Variants in MAPK10 observed in about 807,000 individuals in gnomAD.
The protein encoded by MAPK10 is JNK3 alpha protein kinase.
Under a neutral mutation model 59.3 loss-of-function variants are expected in MAPK10, and 25 were observed. That is an observed-to-expected ratio of 0.42 (90% CI 0.31 to 0.59). The LOEUF (loss-of-function observed/expected upper bound fraction) is 0.59, where lower values mean the gene tolerates loss of function less well. MAPK10 is among the 20% of genes least tolerant of loss of function. MAPK10 has a pLI of 0.15. For missense variants in MAPK10, 351 were observed against 568.9 expected, an observed-to-expected ratio of 0.62 and a Z score of 3.90; for synonymous variants, 190 against 200.5, an observed-to-expected ratio of 0.95 and a Z score of 0.44.
intron 1 of MAPK10, among the ~76,000 whole-genome samples, chr4:86,516,768 C>T (rs186227214): frequency 1.3e-5 from 2 of 152,192 alleles, no homozygotes; most frequent in African/African-American, 4.8e-5. Flanking sequence ...TATTTTTATC[C>T]TGAAATTTTA....
intron 2 of MAPK10, among the ~76,000 whole-genome samples, chr4:86,218,419 C>A (rs1227209129): frequency 6.6e-6 from 1 of 151,944 alleles, no homozygotes; most frequent in Non-Finnish European, 1.5e-5. Flanking sequence ...CCTTGGCCTC[C>A]CAAAGTGCTG....
chr4:86,548,029 A>G (rs1290593911), intron 1 of MAPK10, among the ~76,000 whole-genome samples: 1 of 152,196 alleles, frequency 6.6e-6, no homozygotes, highest in African/African-American at 2.4e-5. Context: ...CAGCAGTGGC[A>G]ACCCGCTCAG....
intron 1 of MAPK10, among the ~76,000 whole-genome samples, chr4:86,374,703 TCTC>T (rs1739496507): frequency 6.6e-6 from 1 of 152,328 alleles, no homozygotes. Flanking sequence ...GAATGTGACT[TCTC>T]CTTTTTGAGC....
At chr4:86,551,284 T>C (rs1759752552) in intron 1 of MAPK10, among the ~76,000 whole-genome samples, 1 of 152,222 alleles carries the variant, frequency 6.6e-6, no homozygotes, top group East Asian at 1.9e-4. Flanking sequence ...CTGAATGCAG[T>C]AATGTCAAGT....
chr4:86,592,395 G>T (rs150099953), intron 1 of MAPK10, among the ~76,000 whole-genome samples: 7 of 151,838 alleles, frequency 4.6e-5, no homozygotes, highest in Admixed American at 4.6e-4. Context: ...AAGGAAAAAA[G>T]CTAACAACAC....
rs1554276094 is a variant in MAPK10, at chr4:86,516,652, TTTTG to T, written c.-263+77254_-263+77257del. ...TTTTTGTTGTTGTTGTTTGTTTGTT[TTTTG>T]TTTGTTTGTTTGTTTGCAGCTACTG... On this transcript the variant is annotated intron_variant, in intron 1 of 4. Transcript: ENST00000502302. Among the ~76,000 whole-genome samples the T allele has an allele frequency of 2.7e-4, 40 of 149,598 alleles. No homozygotes were observed. In the East Asian group the frequency reaches 3.5e-3, roughly 13 times the overall value.
At chr4:86,553,642 AG>A (rs1156246725) in intron 1 of MAPK10, among the ~76,000 whole-genome samples, 4 of 152,074 alleles carry the variant, frequency 2.6e-5, no homozygotes, top group Non-Finnish European at 4.4e-5. Flanking sequence ...GGGGAACTTA[AG>A]GGAGGTGAAG....
intron 2 of MAPK10, among the ~76,000 whole-genome samples, chr4:86,246,126 A>G (rs1416599635): frequency 6.6e-6 from 1 of 152,204 alleles, no homozygotes; most frequent in Non-Finnish European, 1.5e-5. Context: ...AATAAATTAA[A>G]TAACCTTAAA....
intron 1 of MAPK10, among the ~76,000 whole-genome samples, chr4:86,518,904 TC>T (rs1389742924): frequency 1.3e-5 from 2 of 152,206 alleles, no homozygotes; most frequent in Admixed American, 1.3e-4. Context: ...TTATTTCATT[TC>T]CATGTATTTG....
chr4:86,510,497 G>C (rs1382833167), intron 1 of MAPK10, among the ~76,000 whole-genome samples: 3 of 151,234 alleles, frequency 2.0e-5, no homozygotes, highest in African/African-American at 4.9e-5. Flanking sequence ...AAAATGTCAT[G>C]TATATAAATA....
intron 5 of MAPK10, among the ~76,000 whole-genome samples, chr4:86,106,298 T>G (rs2056518389): frequency 6.6e-6 from 1 of 152,112 alleles, no homozygotes; most frequent in Admixed American, 6.6e-5. Flanking sequence ...ACTGGTAATG[T>G]GTTCTGTGTA....
At chr4:86,062,133 G>A (rs1579402785) in intron 11 of MAPK10, among the ~76,000 whole-genome samples, 2 of 152,108 alleles carry the variant, frequency 1.3e-5, no homozygotes, top group East Asian at 3.9e-4. Context: ...CTGGGATCAT[G>A]ATTCCCATCT....
intron 2 of MAPK10, among the ~76,000 whole-genome samples, chr4:86,245,302 C>G (rs528001235): frequency 1.3e-5 from 2 of 148,324 alleles, no homozygotes; most frequent in Admixed American, 6.8e-5. Flanking sequence ...CACACTAGCA[C>G]AAGTGCCAAT....
chr4:86,076,253 CGCGCACGGTGCGCGCACCCACTGGCCT>C (rs1553958481), intron 9 of MAPK10, among the ~76,000 whole-genome samples: 17 of 152,144 alleles, frequency 1.1e-4, no homozygotes, highest in Non-Finnish European at 2.9e-5. Flanking sequence ...TGCTTCGGCT[CGCGCACGGTGCGCGCACCCACTGGCCT>C]GCGCCCACTG....
At chr4:86,282,898 G>A (rs1315711788) in intron 2 of MAPK10, among the ~76,000 whole-genome samples, 1 of 152,084 alleles carries the variant, frequency 6.6e-6, no homozygotes, top group Admixed American at 6.6e-5. Flanking sequence ...TAAGACACAA[G>A]AGGTTTTATT....
At chr4:86,227,392 CAGG>C (rs537528844) in intron 2 of MAPK10, among the ~76,000 whole-genome samples, 292 of 150,080 alleles carry the variant, frequency 1.9e-3, no homozygotes, top group African/African-American at 6.8e-3. Flanking sequence ...GAGGCTGAGG[CAGG>C]AGAATGGCGT....
intron 4 of MAPK10, among the ~76,000 whole-genome samples, chr4:86,133,687 C>A (rs2061405493): frequency 6.6e-6 from 1 of 152,192 alleles, no homozygotes; most frequent in South Asian, 2.1e-4. Context: ...TTAGCCAGAA[C>A]TTTTGGCTCA....
At chr4:86,538,933 C>T (rs1166882501) in intron 1 of MAPK10, among the ~76,000 whole-genome samples, 1 of 151,910 alleles carries the variant, frequency 6.6e-6, no homozygotes, top group African/African-American at 2.4e-5. Context: ...TAAAGGAATG[C>T]AAATTTAAAA....
rs1297323900 is a variant in MAPK10, at chr4:86,416,902, C to T, written c.-122+36128G>A. Among the ~76,000 whole-genome samples the T allele has an allele frequency of 2.6e-5, 4 of 152,146 alleles. No individual in the cohort carries two copies. The East Asian group carries it at 7.7e-4, about 29-fold the overall frequency. ...TGCTTTCCCCCCACCATCTCAAGAG[C>T]CTCTCTCTTAAGAACCTGCTGCTGG... On this transcript the variant is annotated intron_variant, in intron 1 of 13. Coordinates refer to the MAPK10 transcript ENST00000361569.
Sources: gnomAD v4.1 joint callset for allele counts (sites outside exome capture counted in the v4.1 genomes callset) on GRCh38, gnomAD v4.1.1 for gene constraint, MANE v1.5 for transcripts, NCBI Gene and HGNC (gene_info 2026-07-23, HGNC 2026-07-21) for gene names.